JRKL: variants seen among roughly 807,000 people sequenced by gnomAD.
The protein encoded by JRKL is JRK like.
Under a neutral mutation model 34.7 loss-of-function variants are expected in JRKL, and 25 were observed. The observed-to-expected ratio is 0.72, with a 90% confidence interval of 0.53 to 1.01. The LOEUF is 1.01. JRKL is among the 50% of genes least tolerant of loss of function. The pLI is 0.00. For synonymous variants in JRKL, 204 were observed against 212.8 expected (o/e 0.96, Z 0.36); for missense variants, 495 against 615.7 (o/e 0.80, Z 2.07).
At position 96,392,698 on chromosome 11, in the gene JRKL, ATAAT is replaced by A. The variant is rs1248752627; in HGVS notation, c.*476_*479del. 6.0e-6 allele frequency: 1 copy of A among 167,062 alleles called. No homozygotes were observed. The highest frequency in any genetic ancestry group is 1.5e-5 in the Non-Finnish European group (1 of 68,150). The allele number at this position is 167,062 out of a possible 1,614,324, so 10.3% of individuals were successfully genotyped here. A position where few individuals can be genotyped will look rare whatever the true frequency, so the allele number is the denominator to read the frequency against. On this transcript the variant is annotated 3_prime_UTR_variant, in exon 2 of 2. Transcript: ENST00000332349. ...TTATTAGATTTCAGGATGATTTATA[ATAAT>A]TCAAAAATGAAATTCAATAATGGGG...
rs1866575778 is a variant in JRKL, at chr11:96,393,532, T to A, written c.*1308T>A. On this transcript the variant is annotated 3_prime_UTR_variant, in exon 2 of 2. Transcript: ENST00000332349. ...ATTTCATGTTTTGGCCAAAAATTTTTAAAAAATAAATTACAATTGTTCTCT... is the reference window on the plus strand; with the variant it reads ...ATTTCATGTTTTGGCCAAAAATTTTAAAAAAATAAATTACAATTGTTCTCT... Among the ~76,000 whole-genome samples the A allele has an allele frequency of 6.6e-6, 1 of 152,284 alleles. No homozygotes were observed. The highest frequency in any genetic ancestry group is 2.4e-5 in the African/African-American group (1 of 41,574).
Position 96,391,488 on chromosome 11 carries a change from C to A in JRKL, c.839C>A (p.Ser280Tyr), listed in dbSNP as rs1443056710. ...CCGCAAGTTCGAGAGTATTTAAGAT[C>A]TAAAGGCTTGCAGGAAAAGGCTGTG... is the stretch of plus-strand genomic sequence containing the variant. Reference protein sequence around the residue: ...FVPQVREYLRSKGLQEKAVLL... With the variant: ...FVPQVREYLRYKGLQEKAVLL... Residue 280 changes from serine to tyrosine, a missense_variant, in exon 2 of 2, where the codon TCT (serine) becomes TAT (tyrosine). Physicochemically the swap from Ser to Tyr is moderately radical, Grantham distance 144. Transcript: ENST00000332349. The A allele has an allele frequency of 1.9e-6, 3 of 1,552,012 alleles. No homozygotes were observed. The highest frequency in any genetic ancestry group is 2.4e-5 in the South Asian group (2 of 84,184).
In JRKL at chr11:96,392,981, A is replaced by G. The variant is rs1339213461; in HGVS notation, c.*757A>G. The G allele has an allele frequency of 6.0e-6, 1 of 166,432 alleles. No homozygotes were observed. Among genetic ancestry groups the G allele is most frequent in the Non-Finnish European group, 1.5e-5 (1 of 68,036 alleles). 10.3% of individuals were successfully genotyped at this position (166,432 alleles called of 1,614,324 possible). ...AGGCTGATTTTAATTTGGTAAGTTG[A>G]TCTTTTTATTATGAATTTGGTAATA... On this transcript the variant is annotated 3_prime_UTR_variant, in exon 2 of 2. Coordinates refer to ENST00000332349, the MANE Select transcript of JRKL (RefSeq NM_001261833.2).
chr11:96,391,720 G>C lies in JRKL; in HGVS notation c.1071G>C (p.Trp357Cys). 6.2e-7 allele frequency: 1 copy of C among 1,614,154 alleles called. No homozygotes were observed. Among genetic ancestry groups the C allele is most frequent in the Non-Finnish European group, 8.5e-7 (1 of 1,180,024 alleles). ...LEEGNDLKSF[W>C]KKLTLLDALY... Reference sequence around the variant, plus strand: ...AAGGTAATGACCTGAAATCATTCTGGAAGAAGCTAACTCTGTTGGATGCAC... The same window carrying C: ...AAGGTAATGACCTGAAATCATTCTGCAAGAAGCTAACTCTGTTGGATGCAC... The change falls in exon 2 of 2, where the codon TGG becomes TGC. Residue 357 changes from tryptophan to cysteine, a missense_variant. Transcript: ENST00000332349.
At position 96,392,365 on chromosome 11, in the gene JRKL, T is replaced by G. The variant is rs1225177842; in HGVS notation, c.*141T>G. On this transcript the variant is annotated 3_prime_UTR_variant, in exon 2 of 2. Coordinates refer to ENST00000332349, the MANE Select transcript of JRKL (RefSeq NM_001261833.2). The stretch of plus-strand genomic sequence containing the variant: ...AAATGTATCTGAAGTGGTTTGAGGA[T>G]TATGTGTTTTCATCATCTGTGTCTT... 8.0e-7 allele frequency: 1 copy of G among 1,249,966 alleles called. No homozygotes were observed. Among genetic ancestry groups the G allele is most frequent in the Non-Finnish European group, 1.1e-6 (1 of 932,102 alleles). 77.4% of individuals were successfully genotyped at this position (1,249,966 alleles called of 1,614,324 possible). A position where few individuals can be genotyped will look rare whatever the true frequency, so the allele number is the denominator to read the frequency against.
In JRKL at chr11:96,391,126, TC is replaced by T; in HGVS notation, c.478del (p.Arg160GlufsTer33). 6.2e-7 allele frequency: 1 copy of T among 1,612,494 alleles called. No homozygotes were observed. Among genetic ancestry groups the T allele is most frequent in the African/African-American group, 1.3e-5 (1 of 74,988 alleles). On this transcript the variant is annotated frameshift_variant, in exon 2 of 2. Coordinates refer to ENST00000332349, the MANE Select transcript of JRKL (RefSeq NM_001261833.2). LOFTEE classifies it high-confidence loss of function. Reference sequence around the variant, plus strand: ...CGGTGGAAGATTTTTGTAATAACTTTCGAGATTTTATTGAACGAGAGAATTT... The same window carrying T: ...CGGTGGAAGATTTTTGTAATAACTTTGAGATTTTATTGAACGAGAGAATTT... ...TAVEDFCNNF[R>X]DFIERENLQP...
At chr11:96,390,379 T>A (rs1039793170) in intron 1 of JRKL, 104 bp from the exon 2 acceptor site, 2 of 340,266 alleles carry the variant, frequency 5.9e-6, no homozygotes, top group Non-Finnish European at 1.1e-5. Context: ...CACATGCTTT[T>A]AATCCGGATT....
At position 96,391,586 on chromosome 11, in the gene JRKL, A is replaced by C. The variant is rs1285659836; in HGVS notation, c.937A>C (p.Lys313Gln). 2 of 1,599,404 alleles carry C rather than the reference A, an allele frequency of 1.3e-6. No homozygotes were observed. Among genetic ancestry groups the C allele is most frequent in the Non-Finnish European group, 1.7e-6 (2 of 1,172,390 alleles). ...GTCAGATGATGGCCAAATATTTGCT[A>C]AATATTTACCACCTAATGTGGCCTC... ...LRSDDGQIFA[K>Q]YLPPNVASLI... The change falls in exon 2 of 2, where the codon AAA becomes CAA. Residue 313 changes from lysine to glutamine, a missense_variant. Transcript: ENST00000332349.
At position 96,391,688 on chromosome 11, in the gene JRKL, T is replaced by A. The variant is rs776745399; in HGVS notation, c.1039T>A (p.Leu347Met). Reference sequence around the variant, plus strand: ...TCGTGCAGGTCTTCTCCAGAACAACTTGGAAGAAGGTAATGACCTGAAATC... The same window carrying A: ...TCGTGCAGGTCTTCTCCAGAACAACATGGAAGAAGGTAATGACCTGAAATC... Reference protein sequence around the residue: ...NYRAGLLQNNLEEGNDLKSFW... With the variant: ...NYRAGLLQNNMEEGNDLKSFW... The change falls in exon 2 of 2, where the codon TTG becomes ATG. Residue 347 changes from leucine to methionine, a missense_variant. Leu to Met is a conservative substitution (Grantham distance 15, BLOSUM62 2). Coordinates refer to ENST00000332349, the MANE Select transcript of JRKL (RefSeq NM_001261833.2). The A allele has an allele frequency of 6.2e-7, 1 of 1,614,130 alleles. No individual in the cohort carries two copies. The highest frequency in any genetic ancestry group is 1.7e-5 in the Admixed American group (1 of 60,020).
Position 96,390,860 on chromosome 11 carries a change from A to G in JRKL, c.211A>G (p.Met71Val), listed in dbSNP as rs377119550. The G allele has an allele frequency of 1.9e-6, 3 of 1,613,806 alleles. No homozygotes were observed. The African/African-American group carries it at 4.0e-5, about 22-fold the overall frequency. ...AAGTCTTTTGGCCAAGAGGAAATCT[A>G]TGAAGCCATCCATGTATGAGGAATT... ...STSLLAKRKSMKPSMYEELDR... is the reference protein window; with the variant it reads ...STSLLAKRKSVKPSMYEELDR... The change falls in exon 2 of 2, where the codon ATG becomes GTG. Residue 71 changes from methionine (M) to valine (V), a missense_variant. By Grantham distance (21) the Met-to-Val change is conservative (BLOSUM62 1). Transcript: ENST00000332349.
rs1167911330 is a variant in JRKL, at chr11:96,390,053, C to G, written c.-188C>G. The stretch of plus-strand genomic sequence containing the variant: ...GCCGCGCGATAGTCAGGGAGCTGTG[C>G]GGGTCCTGGTTGCAAGAGAGGTGGG... On this transcript the variant is annotated 5_prime_UTR_variant, in exon 1 of 2. Transcript: ENST00000332349. 1 of 152,610 alleles carries G rather than the reference C, an allele frequency of 6.6e-6. No homozygotes were observed. The highest frequency in any genetic ancestry group is 1.5e-5 in the Non-Finnish European group (1 of 68,430). The allele number at this position is 152,610 out of a possible 1,614,324, so 9.5% of individuals were successfully genotyped here.
rs1352074680 is a variant in JRKL at position 96,392,017 on chromosome 11, G to A, written c.1368G>A (p.Gln456=). Residue 456 remains glutamine (Q), a synonymous_variant, in exon 2 of 2, where the codon CAG becomes CAA. Transcript: ENST00000332349. ...AAATCATCAGAAGAGCACAAGGCCA[G>A]GCAGATGAATCCAGTGAAAATGAGG... is the stretch of plus-strand genomic sequence containing the variant. ...DSEIIRRAQG[Q]ADESSENEEE... is the part of the protein sequence containing the mutation. 1 of 1,614,026 alleles carries A rather than the reference G, an allele frequency of 6.2e-7. No homozygotes were observed. Among genetic ancestry groups the A allele is most frequent in the Non-Finnish European group, 8.5e-7 (1 of 1,180,004 alleles).
chr11:96,391,274 G>A lies in JRKL; in HGVS notation c.625G>A (p.Val209Ile). Residue 209 changes from valine (V) to isoleucine (I), a missense_variant, in exon 2 of 2, where the codon GTC becomes ATC. By Grantham distance (29) the Val-to-Ile change is conservative (BLOSUM62 3). Transcript: ENST00000332349. The stretch of plus-strand genomic sequence containing the variant: ...TGGGCACAAATCAATTGAAGAAAGA[G>A]TCACAATCATGTGTTGTGCCAATGC... ...VPGHKSIEER[V>I]TIMCCANATG... 1 of 1,551,636 alleles carries A rather than the reference G, an allele frequency of 6.4e-7. No individual in the cohort carries two copies. The highest frequency in any genetic ancestry group is 2.4e-5 in the East Asian group (1 of 40,928).
rs1193654576 is a variant in JRKL at position 96,392,945 on chromosome 11, A to C, written c.*721A>C. On this transcript the variant is annotated 3_prime_UTR_variant, in exon 2 of 2. Transcript: ENST00000332349. ...GGGGAACTTTAGGTTATTTATACAA[A>C]GGGAATAAATAGGCTGATTTTAATT... 6.0e-5 allele frequency: 10 copies of C among 166,754 alleles called. No individual in the cohort carries two copies. Among genetic ancestry groups the C allele is most frequent in the African/African-American group, 2.4e-4 (10 of 41,464 alleles). The allele number at this position is 166,754 out of a possible 1,614,324, so 10.3% of individuals were successfully genotyped here. A position where few individuals can be genotyped will look rare whatever the true frequency, so the allele number is the denominator to read the frequency against.
rs754792583 is a variant in JRKL at position 96,391,837 on chromosome 11, G to A, written c.1188G>A (p.Glu396=). 1 of 1,614,174 alleles carries A rather than the reference G, an allele frequency of 6.2e-7. No individual in the cohort carries two copies. The highest frequency in any genetic ancestry group is 8.5e-7 in the Non-Finnish European group (1 of 1,180,018). The change falls in exon 2 of 2, where the codon GAG becomes GAA. Residue 396 remains glutamate (E), a synonymous_variant. Transcript: ENST00000332349. ...TTCTCCCTATGGTAGAGGAGAAAGA[G>A]AGCCTGGACTTTGATGTTGAAGATA... is the stretch of plus-strand genomic sequence containing the variant. ...KKILPMVEEK[E]SLDFDVEDIS...
chr11:96,390,733 C>G lies in JRKL; in HGVS notation c.84C>G (p.Ser28=), dbSNP rs1866506330. The G allele has an allele frequency of 1.2e-6, 2 of 1,611,608 alleles. No individual in the cohort carries two copies. The highest frequency in any genetic ancestry group is 1.7e-6 in the Non-Finnish European group (2 of 1,179,424). ...IIKKLEDGGS[S]KQLAVIYGIG... ...AGAAACTTGAAGACGGAGGTTCTTC[C>G]AAACAACTGGCAGTGATTTATGGAA... The change falls in exon 2 of 2, where the codon TCC becomes TCG. Residue 28 remains serine, a synonymous_variant. Transcript: ENST00000332349.
chr11:96,390,871 C>CATGT lies in JRKL; in HGVS notation c.226_229dup (p.Glu77ValfsTer2). 6.2e-7 allele frequency: 1 copy of CATGT among 1,613,966 alleles called. No individual in the cohort carries two copies. Among genetic ancestry groups the CATGT allele is most frequent in the Non-Finnish European group, 8.5e-7 (1 of 1,179,978 alleles). Reference sequence around the variant, plus strand: ...CCAAGAGGAAATCTATGAAGCCATCCATGTATGAGGAATTGGACAGGGCAA... The same window carrying CATGT: ...CCAAGAGGAAATCTATGAAGCCATCCATGTATGTATGAGGAATTGGACAGGGCAA... On this transcript the variant is annotated frameshift_variant, in exon 2 of 2. Coordinates refer to ENST00000332349, the MANE Select transcript of JRKL (RefSeq NM_001261833.2). LOFTEE classifies it low-confidence loss of function (END_TRUNC).
chr11:96,392,044 G>A lies in JRKL; in HGVS notation c.1395G>A (p.Glu465=), dbSNP rs1197944485. 2.5e-6 allele frequency: 4 copies of A among 1,613,782 alleles called. No homozygotes were observed. In the African/African-American group the frequency reaches 4.0e-5, roughly 16 times the overall value. The change falls in exon 2 of 2, where the codon GAG becomes GAA. Residue 465 remains glutamate, a synonymous_variant. Coordinates refer to ENST00000332349, the MANE Select transcript of JRKL (RefSeq NM_001261833.2). The part of the protein sequence containing the change: ...GQADESSENE[E]EEIELIPEKH... ...CAGATGAATCCAGTGAAAATGAGGAGGAGGAAATAGAACTAATTCCAGAGA... is the reference window on the plus strand; with the variant it reads ...CAGATGAATCCAGTGAAAATGAGGAAGAGGAAATAGAACTAATTCCAGAGA...
chr11:96,390,461 C>T (rs1010493095), intron 1 of JRKL, 22 bp from the exon 2 acceptor site: 1 of 570,912 alleles, frequency 1.8e-6, no homozygotes, highest in African/African-American at 1.9e-5. Flanking sequence ...CAAACTTCCT[C>T]CTCTTTCACC....
Sources: gnomAD v4.1 joint callset for allele counts (sites outside exome capture counted in the v4.1 genomes callset) on GRCh38, gnomAD v4.1.1 for gene constraint, MANE v1.5 for transcripts, NCBI Gene and HGNC (gene_info 2026-07-23, HGNC 2026-07-21) for gene names.